The following PACRG variants were observed in gnomAD, a reference collection of about 807,000 sequenced individuals.
PACRG encodes parkin coregulated, also known as parkin coregulated gene protein.
In PACRG, 29 loss-of-function variants were observed where a neutral mutation model predicts 29.7. The observed-to-expected ratio is 0.98, with a 90% CI of 0.73 to 1.33. The LOEUF is 1.33. Among genes scored for constraint, PACRG ranks in the 40% most tolerant of loss-of-function variants. PACRG has a pLI of 0.00. For synonymous variants in PACRG, 116 were observed against 118.7 expected, an observed-to-expected ratio of 0.98 and a Z score of 0.15; for missense variants, 279 against 316.2, an observed-to-expected ratio of 0.88 and a Z score of 0.89.
intron 4 of PACRG, among the ~76,000 whole-genome samples, chr6:163,253,501 T>G (rs892149035): frequency 3.9e-5 from 6 of 152,084 alleles, no homozygotes; most frequent in African/African-American, 1.4e-4. Flanking sequence ...CTAAAATTTA[T>G]TTTAGGGGTA....
intron 2 of PACRG, among the ~76,000 whole-genome samples, chr6:162,847,239 C>G (rs34045990): frequency 2.6e-5 from 4 of 152,194 alleles, no homozygotes; most frequent in African/African-American, 9.7e-5. Flanking sequence ...TTCCTTCTTC[C>G]TAGACTGGTC....
intron 2 of PACRG, among the ~76,000 whole-genome samples, chr6:162,987,193 T>A (rs948319986): frequency 3.3e-5 from 5 of 152,146 alleles, no homozygotes; most frequent in African/African-American, 1.2e-4. Context: ...TTCAGATTCT[T>A]TTGTCCCATG....
chr6:162,755,881 CCTTTTTTT>C (rs1240943016), intron 1 of PACRG, among the ~76,000 whole-genome samples: 6 of 151,816 alleles, frequency 4.0e-5, no homozygotes, highest in Admixed American at 3.3e-4. Context: ...TTTTTAATTT[CCTTTTTTT>C]ATTTCTTCTG....
At chr6:163,012,844 G>T (rs1412535671) in intron 2 of PACRG, among the ~76,000 whole-genome samples, 1 of 152,194 alleles carries the variant, frequency 6.6e-6, no homozygotes, top group Non-Finnish European at 1.5e-5. Context: ...CACTACAGGT[G>T]TAGAGCGAGT....
chr6:163,166,987 AG>A (rs1198173657), intron 4 of PACRG, among the ~76,000 whole-genome samples: 2 of 152,246 alleles, frequency 1.3e-5, no homozygotes, highest in Non-Finnish European at 2.9e-5. Context: ...ATCCAAATAA[AG>A]TTCAGATCAT....
At chr6:163,016,466 C>G (rs1451482419) in intron 2 of PACRG, among the ~76,000 whole-genome samples, 2 of 151,490 alleles carry the variant, frequency 1.3e-5, no homozygotes, top group African/African-American at 4.9e-5. Flanking sequence ...AAATCTGCCA[C>G]TAGGTTCAGC....
chr6:163,312,859 C>A lies in PACRG; in HGVS notation c.614-1968C>A, dbSNP rs140329577. On this transcript the variant is annotated intron_variant, in intron 4 of 4. Transcript: ENST00000366888. Reference sequence around the variant, plus strand: ...CCTCGACCACCTGGGCTCAAGTGATCCTCCCACCTCAGCCTCTCAAGTAGC... The same window carrying A: ...CCTCGACCACCTGGGCTCAAGTGATACTCCCACCTCAGCCTCTCAAGTAGC... The A allele has an allele frequency of 2.7e-3, 1,075 of 399,108 alleles. 11 individuals carry two copies. Among genetic ancestry groups the A allele is most frequent in the African/African-American group, 0.022 (1,025 of 46,552 alleles). 24.7% of individuals were successfully genotyped at this position (399,108 alleles called of 1,614,324 possible).
chr6:163,314,488 C>T (rs12528598), intron 4 of PACRG, among the ~76,000 whole-genome samples: 29,253 of 152,014 alleles, frequency 0.19, 3,101 homozygotes, highest in Non-Finnish European at 0.24. Flanking sequence ...CTAAGTACAC[C>T]GTGCTGTGAT....
At chr6:162,767,473 G>A (rs756406974) in intron 1 of PACRG, among the ~76,000 whole-genome samples, 7 of 150,132 alleles carry the variant, frequency 4.7e-5, no homozygotes, top group African/African-American at 1.2e-4. Context: ...TTTGTTTAAC[G>A]TTTACTTGGA....
intron 4 of PACRG, among the ~76,000 whole-genome samples, chr6:163,275,127 G>A (rs1391070003): frequency 6.6e-6 from 1 of 152,076 alleles, no homozygotes; most frequent in African/African-American, 2.4e-5. Context: ...GCCCATCTCA[G>A]CCTCCCAAAG....
At chr6:162,730,065 T>C (rs74389340) in intron 1 of PACRG, among the ~76,000 whole-genome samples, 37,288 of 80,122 alleles carry the variant, frequency 0.47, 5,716 homozygotes, top group Non-Finnish European at 0.53. Context: ...CTGTCTCTCT[T>C]TTTTTTTTTT....
At chr6:163,126,427 T>C (rs1816516740) in intron 4 of PACRG, among the ~76,000 whole-genome samples, 1 of 152,202 alleles carries the variant, frequency 6.6e-6, no homozygotes. Flanking sequence ...CTAATTTCTA[T>C]GGCATTTTAT....
At chr6:163,308,817 C>G (rs1268717653) in intron 4 of PACRG, among the ~76,000 whole-genome samples, 2 of 152,186 alleles carry the variant, frequency 1.3e-5, no homozygotes, top group Non-Finnish European at 1.5e-5. Context: ...GGCTCGCTTT[C>G]TCTCTCACCA....
chr6:163,282,901 G>A (rs1209959356), intron 4 of PACRG, among the ~76,000 whole-genome samples: 1 of 152,162 alleles, frequency 6.6e-6, no homozygotes, highest in East Asian at 1.9e-4. Flanking sequence ...TACAAGGAAA[G>A]CCTTTGCACC....
At chr6:163,189,862 A>G (rs573563073) in intron 4 of PACRG, 57 of 152,334 alleles carry the variant, frequency 3.7e-4, no homozygotes, top group African/African-American at 1.3e-3. Context: ...CACACTGGTC[A>G]CCGCAGGGCA....
intron 4 of PACRG, among the ~76,000 whole-genome samples, chr6:163,298,841 A>G (rs1784880374): frequency 1.3e-5 from 2 of 152,138 alleles, no homozygotes; most frequent in African/African-American, 4.8e-5. Flanking sequence ...TCTGCACTGC[A>G]CGTTCTTCTC....
intron 4 of PACRG, among the ~76,000 whole-genome samples, chr6:163,172,434 G>C (rs1404760231): frequency 6.6e-6 from 1 of 152,192 alleles, no homozygotes; most frequent in South Asian, 2.1e-4. Context: ...TTGCCCCAGA[G>C]AAAGCCTCTT....
chr6:162,980,603 GGA>G (rs1160454317), intron 2 of PACRG, among the ~76,000 whole-genome samples: 4 of 152,050 alleles, frequency 2.6e-5, no homozygotes, highest in Non-Finnish European at 5.9e-5. Context: ...AACATCCTAT[GGA>G]GTAGCAACAG....
chr6:162,959,585 G>A (rs192860553), intron 2 of PACRG, among the ~76,000 whole-genome samples: 32 of 152,266 alleles, frequency 2.1e-4, no homozygotes, highest in Middle Eastern at 3.4e-3. Flanking sequence ...GTGATAAGGC[G>A]AGGCAGTCTA....
Sources: allele counts gnomAD v4.1 joint callset (sites outside exome capture counted in the v4.1 genomes callset), GRCh38; gene constraint gnomAD v4.1.1; transcripts MANE v1.5; gene names NCBI Gene and HGNC (gene_info 2026-07-23, HGNC 2026-07-21).